The following DCC variants were observed in gnomAD, a reference collection of about 807,000 sequenced individuals.
DCC encodes the protein netrin receptor DCC.
Under a neutral mutation model 172.5 loss-of-function variants are expected in DCC, and 58 were observed. The observed-to-expected ratio is 0.34, with a 90% CI of 0.27 to 0.42. The LOEUF is 0.42. Ranked by LOEUF, DCC falls within the 10% of genes least tolerant of loss-of-function variation. The pLI is 1.00. For synonymous variants in DCC, 709 were observed against 644.5 expected (o/e 1.10, Z -1.52); for missense variants, 1,740 against 1,791.0 (o/e 0.97, Z 0.51).
intron 1 of DCC, among the ~76,000 whole-genome samples, chr18:52,429,281 T>C (rs759396168): frequency 4.6e-5 from 7 of 152,102 alleles, no homozygotes; most frequent in Non-Finnish European, 8.8e-5. Flanking sequence ...TCAGGCAAGT[T>C]GTATAAATTG....
chr18:52,603,001 C>T (rs1427821992), intron 1 of DCC, among the ~76,000 whole-genome samples: 1 of 152,002 alleles, frequency 6.6e-6, no homozygotes, highest in African/African-American at 2.4e-5. Context: ...TTTATGTTGA[C>T]AAGAAAAGAG....
chr18:52,803,529 T>C (rs1435200123), intron 2 of DCC, among the ~76,000 whole-genome samples: 1 of 152,220 alleles, frequency 6.6e-6, no homozygotes, highest in African/African-American at 2.4e-5. Context: ...TTTGTGTATA[T>C]TGTAGTAAAT....
intron 9 of DCC, among the ~76,000 whole-genome samples, chr18:53,197,615 G>A (rs2055465992): frequency 6.6e-6 from 1 of 151,844 alleles, no homozygotes; most frequent in African/African-American, 2.4e-5. Flanking sequence ...GGAGACATCA[G>A]CCTCGTTCAG....
intron 5 of DCC, chr18:52,931,931 T>C (rs1041036955): frequency 3.9e-5 from 6 of 152,046 alleles, no homozygotes; most frequent in Non-Finnish European, 4.4e-5. Context: ...TAATACTGTC[T>C]GAATAAACTT....
intron 5 of DCC, among the ~76,000 whole-genome samples, chr18:52,988,359 G>A (rs981763505): frequency 6.6e-6 from 1 of 151,814 alleles, no homozygotes; most frequent in South Asian, 2.1e-4. Flanking sequence ...ATTTTATACT[G>A]AAACATCCAA....
At chr18:53,068,665 G>A (rs2042608553) in intron 7 of DCC, among the ~76,000 whole-genome samples, 1 of 151,948 alleles carries the variant, frequency 6.6e-6, no homozygotes, top group South Asian at 2.1e-4. Context: ...TGCTCACAGG[G>A]AGGGAGGATT....
intron 1 of DCC, among the ~76,000 whole-genome samples, chr18:52,691,225 G>A (rs192171534): frequency 9.9e-5 from 15 of 152,208 alleles, no homozygotes; most frequent in African/African-American, 2.2e-4. Context: ...TTAGAGGTGG[G>A]ATGGGGAGAT....
intron 1 of DCC, among the ~76,000 whole-genome samples, chr18:52,546,389 C>T (rs2032617551): frequency 6.6e-6 from 1 of 151,926 alleles, no homozygotes; most frequent in Non-Finnish European, 1.5e-5. Context: ...GAAGTAGAAA[C>T]AAATAACATA....
chr18:52,560,784 G>T (rs1045602429), intron 1 of DCC, among the ~76,000 whole-genome samples: 59 of 152,176 alleles, frequency 3.9e-4, no homozygotes, highest in African/African-American at 1.4e-3. Context: ...TTATTTGGAT[G>T]TGAGAATGTG....
At position 52,642,900 on chromosome 18, in the gene DCC, G is replaced by T. The variant is rs190736695; in HGVS notation, c.92-109154G>T. Among the ~76,000 whole-genome samples, 25 of 152,262 alleles carry T rather than the reference G, an allele frequency of 1.6e-4. No homozygotes were observed. In the East Asian group the frequency reaches 4.6e-3, roughly 28 times the overall value. ...TCTGGTCTTGAACTCCTGGTCTCAA[G>T]CCTTGGTCTCCCAAAGTGCTGGGAT... On this transcript the variant is annotated intron_variant, in intron 1 of 28. Transcript: ENST00000442544.
At chr18:53,176,931 A>C (rs1184198396) in intron 8 of DCC, among the ~76,000 whole-genome samples, 4 of 151,372 alleles carry the variant, frequency 2.6e-5, no homozygotes, top group Non-Finnish European at 4.4e-5. Context: ...AACCAACCCA[A>C]ATGTCCAACA....
At chr18:53,104,847 GTTAT>G (rs2043222061) in intron 7 of DCC, among the ~76,000 whole-genome samples, 1 of 151,990 alleles carries the variant, frequency 6.6e-6, no homozygotes, top group South Asian at 2.1e-4. Context: ...GTAGAAGTAG[GTTAT>G]TTATCATTTA....
rs956589665 is a variant in DCC, at chr18:52,613,754, T to C, written c.92-138300T>C. 2.4e-4 allele frequency among the ~76,000 whole-genome samples: 37 copies of C among 152,148 alleles called. 1 individual carries two copies. Among genetic ancestry groups the C allele is most frequent in the Non-Finnish European group, 1.8e-4 (12 of 68,032 alleles). The stretch of plus-strand genomic sequence containing the variant: ...CATAGGAACCATGAGTTTCCTTTGT[T>C]ATAGTGGTGAACTTTTTTGTCACAT... On this transcript the variant is annotated intron_variant, in intron 1 of 28. Transcript: ENST00000442544.
chr18:52,818,633 G>C (rs934769582), intron 2 of DCC, among the ~76,000 whole-genome samples: 5 of 152,050 alleles, frequency 3.3e-5, no homozygotes, highest in Admixed American at 6.6e-5. Flanking sequence ...AGGTGAAGGA[G>C]AAAGATCATT....
chr18:52,589,928 T>A (rs2033760109), intron 1 of DCC, among the ~76,000 whole-genome samples: 1 of 152,026 alleles, frequency 6.6e-6, no homozygotes, highest in Admixed American at 6.5e-5. Flanking sequence ...CACTGCTGAA[T>A]TTTTTGTTGA....
chr18:52,792,839 C>CATTCTATTCCATTCT (rs576750234), intron 2 of DCC, among the ~76,000 whole-genome samples: 3 of 144,076 alleles, frequency 2.1e-5, no homozygotes, highest in African/African-American at 5.1e-5. Flanking sequence ...CATTCTATTC[C>CATTCTATTCCATTCT]ATTCCATTCC....
intron 1 of DCC, among the ~76,000 whole-genome samples, chr18:52,448,463 T>G (rs1404441921): frequency 2.2e-5 from 3 of 139,160 alleles, no homozygotes; most frequent in East Asian, 2.0e-4. Flanking sequence ...ATTTATAGAG[T>G]TTTTTTTTTA....
chr18:53,291,608 T>C (rs1023713319), intron 12 of DCC, among the ~76,000 whole-genome samples: 1 of 152,216 alleles, frequency 6.6e-6, no homozygotes, highest in African/African-American at 2.4e-5. Context: ...TTCTAGGGTG[T>C]AATTTTACAT....
At chr18:52,872,604 T>A (rs2039339518) in intron 2 of DCC, among the ~76,000 whole-genome samples, 1 of 152,210 alleles carries the variant, frequency 6.6e-6, no homozygotes, top group African/African-American at 2.4e-5. Flanking sequence ...AACAGGAGAC[T>A]CATCTCTGCC....
Sources: allele counts gnomAD v4.1 joint callset (sites outside exome capture counted in the v4.1 genomes callset), GRCh38; gene constraint gnomAD v4.1.1; transcripts MANE v1.5; gene names NCBI Gene and HGNC (gene_info 2026-07-23, HGNC 2026-07-21).